The following GSG1L variants were observed in gnomAD, a reference collection of about 807,000 sequenced individuals.
GSG1L encodes GSG1 like.
Under a neutral mutation model 42.1 loss-of-function variants are expected in GSG1L, and 24 were observed. The observed-to-expected ratio is 0.57, with a 90% CI of 0.41 to 0.80. GSG1L has a LOEUF of 0.80. GSG1L is among the 30% of genes least tolerant of loss of function. The probability of loss-of-function intolerance (pLI) is 0.00; values close to 1 mark genes in which losing one functional copy is unlikely to be tolerated. For missense variants in GSG1L, 445 were observed against 472.2 expected (o/e 0.94, Z 0.53); for synonymous variants, 215 against 203.5 (o/e 1.06, Z -0.48).
chr16:27,824,434 T>C (rs1247583379), intron 5 of GSG1L, among the ~76,000 whole-genome samples: 2 of 152,120 alleles, frequency 1.3e-5, no homozygotes, highest in African/African-American at 4.8e-5. Context: ...CTTGAGTTCC[T>C]GGCTGCGGCT....
At chr16:28,047,534 G>T (rs527394813) in intron 1 of GSG1L, among the ~76,000 whole-genome samples, 1 of 151,988 alleles carries the variant, frequency 6.6e-6, no homozygotes, top group Non-Finnish European at 1.5e-5. Context: ...AGTAAATAAA[G>T]CTAACTCTAT....
intron 1 of GSG1L, among the ~76,000 whole-genome samples, chr16:28,013,083 G>A (rs1271744245): frequency 6.6e-6 from 1 of 151,970 alleles, no homozygotes. Context: ...AATTAGCCGT[G>A]CATGGTGGCA....
At chr16:27,919,764 G>A (rs1259305242) in intron 2 of GSG1L, among the ~76,000 whole-genome samples, 1 of 152,188 alleles carries the variant, frequency 6.6e-6, no homozygotes, top group Non-Finnish European at 1.5e-5. Context: ...GGGGGAGTCG[G>A]CTCAACATTA....
At chr16:27,870,063 C>G (rs2083796158) in intron 3 of GSG1L, among the ~76,000 whole-genome samples, 1 of 149,152 alleles carries the variant, frequency 6.7e-6, no homozygotes. Context: ...GTCTCTGCCT[C>G]TCTCCATCTC....
chr16:28,012,892 T>C (rs1360410069), intron 1 of GSG1L, among the ~76,000 whole-genome samples: 1 of 30,132 alleles, frequency 3.3e-5, no homozygotes, highest in African/African-American at 1.1e-4. Context: ...GCAAGAACTC[T>C]CAAAAAAAAA....
In GSG1L at chr16:27,907,231, T is replaced by G. The variant is rs146742975; in HGVS notation, c.398-22593A>C. 3.7e-3 allele frequency among the ~76,000 whole-genome samples: 570 copies of G among 152,090 alleles called. 6 individuals are homozygous for G. Among genetic ancestry groups the G allele is most frequent in the Non-Finnish European group, 5.6e-3 (384 of 67,982 alleles). On this transcript the variant is annotated intron_variant, in intron 2 of 6. Transcript: ENST00000447459. ...AGCACCTCTGCCAGTACAGACCCCC[T>G]CAGAAGGAAACCCAGGAGAGCCGAG... is the stretch of plus-strand genomic sequence containing the variant.
At chr16:27,961,716 T>A (rs984317803) in intron 2 of GSG1L, among the ~76,000 whole-genome samples, 3 of 152,204 alleles carry the variant, frequency 2.0e-5, no homozygotes, top group Admixed American at 2.0e-4. Flanking sequence ...AGCTGTGGCT[T>A]GAGCCGCCCA....
At chr16:28,045,338 C>A (rs145234113) in intron 1 of GSG1L, among the ~76,000 whole-genome samples, 1 of 152,136 alleles carries the variant, frequency 6.6e-6, no homozygotes, top group East Asian at 1.9e-4. Flanking sequence ...TGGGATGTGT[C>A]GATACTCCAT....
At chr16:27,911,215 G>A (rs1466210184) in intron 2 of GSG1L, among the ~76,000 whole-genome samples, 1 of 150,140 alleles carries the variant, frequency 6.7e-6, no homozygotes, top group African/African-American at 2.5e-5. Context: ...TGTTTGTGTA[G>A]CCCAGTACAA....
At chr16:27,888,695 GCAA>G (rs1269741902) in intron 2 of GSG1L, among the ~76,000 whole-genome samples, 1 of 151,042 alleles carries the variant, frequency 6.6e-6, no homozygotes, top group Non-Finnish European at 1.5e-5. Flanking sequence ...TCAGCTCACT[GCAA>G]CCTCCATCTC....
intron 2 of GSG1L, among the ~76,000 whole-genome samples, chr16:27,947,420 GA>G (rs2084888958): frequency 2.1e-5 from 3 of 143,904 alleles, no homozygotes; most frequent in Non-Finnish European, 4.5e-5. Flanking sequence ...AAGAAAGAAA[GA>G]AAGAAAGAGA....
intron 1 of GSG1L, among the ~76,000 whole-genome samples, chr16:28,060,462 G>C (rs2086328418): frequency 6.6e-6 from 1 of 152,080 alleles, no homozygotes; most frequent in African/African-American, 2.4e-5. Flanking sequence ...TGTGATTTTG[G>C]GGGAGGGATG....
At chr16:27,911,785 C>T (rs529624841) in intron 2 of GSG1L, among the ~76,000 whole-genome samples, 2 of 152,222 alleles carry the variant, frequency 1.3e-5, no homozygotes, top group East Asian at 1.9e-4. Flanking sequence ...GTAATGTAAA[C>T]GCTCTCTCAC....
At chr16:27,868,331 G>C (rs1250861141) in intron 3 of GSG1L, among the ~76,000 whole-genome samples, 1 of 152,210 alleles carries the variant, frequency 6.6e-6, no homozygotes, top group Non-Finnish European at 1.5e-5. Flanking sequence ...CCTTCTGCAG[G>C]CCACTGATTT....
intron 1 of GSG1L, among the ~76,000 whole-genome samples, chr16:28,052,357 G>A (rs2086230287): frequency 6.6e-6 from 1 of 151,884 alleles, no homozygotes; most frequent in East Asian, 1.9e-4. Flanking sequence ...TCAAACTCCT[G>A]GCCTCAACAA....
intron 6 of GSG1L, among the ~76,000 whole-genome samples, chr16:27,803,838 T>TAG (rs1282891727): frequency 2.7e-5 from 4 of 149,604 alleles, no homozygotes; most frequent in Non-Finnish European, 5.9e-5. Flanking sequence ...GATATAGATA[T>TAG]ATAGATAGAT....
At chr16:28,007,570 C>T (rs868147116) in intron 1 of GSG1L, among the ~76,000 whole-genome samples, 93 of 151,762 alleles carry the variant, frequency 6.1e-4, no homozygotes, top group Middle Eastern at 3.4e-3. Flanking sequence ...TGGAGTGCAG[C>T]GGTGCCATCA....
At chr16:27,923,211 C>T (rs2084546964) in intron 2 of GSG1L, among the ~76,000 whole-genome samples, 2 of 152,304 alleles carry the variant, frequency 1.3e-5, no homozygotes, top group Non-Finnish European at 2.9e-5. Context: ...CTCTGCTGCT[C>T]CCGGCCAGGA....
intron 2 of GSG1L, among the ~76,000 whole-genome samples, chr16:27,954,679 G>A (rs1054132749): frequency 6.6e-6 from 1 of 152,018 alleles, no homozygotes; most frequent in African/African-American, 2.4e-5. Flanking sequence ...TTTGAGACAG[G>A]GTTTTGCCCT....
Sources: gnomAD v4.1 joint callset for allele counts (sites outside exome capture counted in the v4.1 genomes callset) on GRCh38, gnomAD v4.1.1 for gene constraint, MANE v1.5 for transcripts, NCBI Gene and HGNC (gene_info 2026-07-23, HGNC 2026-07-21) for gene names.